The following CYRIB variants were observed in gnomAD, a reference collection of about 807,000 sequenced individuals.
The protein encoded by CYRIB is CYFIP-related Rac1 interactor B.
Under a neutral mutation model 44.2 loss-of-function variants are expected in CYRIB, and 8 were observed. The observed-to-expected ratio is 0.18, with a 90% CI of 0.11 to 0.33. The LOEUF (loss-of-function observed/expected upper bound fraction) is 0.33, where lower values mean the gene tolerates loss of function less well. Among genes scored for constraint, CYRIB ranks in the 10% least tolerant of loss-of-function variants. CYRIB has a pLI of 1.00. For missense variants in CYRIB, 185 were observed against 382.8 expected, an observed-to-expected ratio of 0.48 and a Z score of 4.31; for synonymous variants, 131 against 127.2, an observed-to-expected ratio of 1.03 and a Z score of -0.20.
At position 129,851,098 on chromosome 8, in the gene CYRIB, A is replaced by G. The variant is rs2043018512; in HGVS notation, c.634-184T>C. 3 of 567,378 alleles carry G rather than the reference A, an allele frequency of 5.3e-6. No homozygotes were observed. In the Admixed American group the frequency reaches 9.7e-5, roughly 18 times the overall value. 35.1% of individuals were successfully genotyped at this position (567,378 alleles called of 1,614,324 possible). A position where few individuals can be genotyped will look rare whatever the true frequency, so the allele number is the denominator to read the frequency against. ...AAGCACTGGGGATACAGCTATGAGC[A>G]AGACAGCGAAGGCAGGACTCTTCTG... On this transcript the variant is annotated intron_variant, in intron 8 of 11. Coordinates refer to ENST00000519824, the Ensembl canonical transcript of CYRIB.
chr8:129,952,346 C>A (rs2094547082), intron 2 of CYRIB, among the ~76,000 whole-genome samples: 1 of 152,128 alleles, frequency 6.6e-6, no homozygotes. Context: ...CAGGCATGAG[C>A]CACCACACCC....
intron 2 of CYRIB, among the ~76,000 whole-genome samples, chr8:129,964,464 A>C (rs569765147): frequency 6.6e-6 from 1 of 152,362 alleles, no homozygotes; most frequent in African/African-American, 2.4e-5. Flanking sequence ...CAGATAACTC[A>C]GATTTCTATG....
chr8:129,920,001 T>C (rs1267848187), intron 1 of CYRIB, among the ~76,000 whole-genome samples: 1 of 152,054 alleles, frequency 6.6e-6, no homozygotes, highest in African/African-American at 2.4e-5. Flanking sequence ...CTGTTTGCCC[T>C]TCTGTTATTT....
intron 5 of CYRIB, among the ~76,000 whole-genome samples, chr8:129,858,651 G>A (rs1297534726): frequency 1.3e-5 from 2 of 152,134 alleles, no homozygotes; most frequent in South Asian, 2.1e-4. Context: ...TTAACGGTGG[G>A]CATTTGGGGC....
At chr8:129,908,984 G>A (rs1173895065) in intron 1 of CYRIB, among the ~76,000 whole-genome samples, 1 of 151,970 alleles carries the variant, frequency 6.6e-6, no homozygotes, top group East Asian at 1.9e-4. Flanking sequence ...TAGAGATGGA[G>A]TCTTGCTATG....
In CYRIB at chr8:129,974,466, A is replaced by G. The variant is rs147661970; in HGVS notation, c.-295-3471T>C. Reference sequence around the variant, plus strand: ...CTCCTGGGATGCTCTAGGCAGCACTAAAAGTTCCCACTGAAGCAAATCTAT... The same window carrying G: ...CTCCTGGGATGCTCTAGGCAGCACTGAAAGTTCCCACTGAAGCAAATCTAT... On this transcript the variant is annotated intron_variant, in intron 1 of 14. Transcript: ENST00000401979. Among the ~76,000 whole-genome samples the G allele has an allele frequency of 2.9e-3, 444 of 152,270 alleles. 4 individuals carry two copies. Among genetic ancestry groups the G allele is most frequent in the African/African-American group, 0.01 (429 of 41,548 alleles).
intron 1 of CYRIB, among the ~76,000 whole-genome samples, chr8:129,987,697 G>A (rs780556514): frequency 1.3e-5 from 2 of 151,488 alleles, no homozygotes; most frequent in Non-Finnish European, 2.9e-5. Flanking sequence ...AGCCTCCTAA[G>A]TAGCTGGGAT....
intron 1 of CYRIB, among the ~76,000 whole-genome samples, chr8:129,920,818 G>A (rs531905831): frequency 2.0e-4 from 30 of 152,058 alleles, no homozygotes; most frequent in African/African-American, 6.5e-4. Flanking sequence ...GAGCACTTAC[G>A]TATTCTAGAT....
Position 129,961,625 on chromosome 8 carries a change from T to C in CYRIB, c.-243+9318A>G, listed in dbSNP as rs534106042. ...CTGTAAGCTCCAAGAGGGCAGGGGCTTGAATCATTCACTAGTCCATCTCTG... is the reference window on the plus strand; with the variant it reads ...CTGTAAGCTCCAAGAGGGCAGGGGCCTGAATCATTCACTAGTCCATCTCTG... On this transcript the variant is annotated intron_variant, in intron 2 of 14. Coordinates refer to the CYRIB transcript ENST00000401979. Among the ~76,000 whole-genome samples, 5 of 152,334 alleles carry C rather than the reference T, an allele frequency of 3.3e-5. No homozygotes were observed. The East Asian group carries it at 9.6e-4, about 29-fold the overall frequency.
chr8:129,972,672 C>T (rs2095752786), intron 1 of CYRIB, among the ~76,000 whole-genome samples: 1 of 152,012 alleles, frequency 6.6e-6, no homozygotes, highest in South Asian at 2.1e-4. Flanking sequence ...CACATTCATT[C>T]CATGTACACA....
rs2096905943 is a variant in CYRIB, at chr8:130,001,500, T to C, written c.-296+14870A>G. 2.0e-5 allele frequency among the ~76,000 whole-genome samples: 3 copies of C among 151,672 alleles called. No individual in the cohort carries two copies. In the South Asian group the frequency reaches 6.3e-4, roughly 32 times the overall value. ...ACTGTTCGTCAGTGGCTCTCATTCA[T>C]CTTACCTTTCCCTGAAAATAATTTC... On this transcript the variant is annotated intron_variant, in intron 1 of 14. Transcript: ENST00000401979.
At chr8:129,873,297 G>C (rs557727371) in intron 3 of CYRIB, among the ~76,000 whole-genome samples, 1 of 151,888 alleles carries the variant, frequency 6.6e-6, no homozygotes, top group African/African-American at 2.4e-5. Context: ...TTATCACTAG[G>C]AACAAATACT....
chr8:129,887,243 G>C (rs10107936), intron 2 of CYRIB, among the ~76,000 whole-genome samples: 30,515 of 151,966 alleles, frequency 0.2, 3,168 homozygotes, highest in Non-Finnish European at 0.23. Flanking sequence ...GGCTAAAACA[G>C]TCCTAGATTA....
At chr8:129,987,133 G>A (rs1404099259) in intron 1 of CYRIB, among the ~76,000 whole-genome samples, 1 of 152,170 alleles carries the variant, frequency 6.6e-6, no homozygotes, top group Non-Finnish European at 1.5e-5. Context: ...ATGGCCTCTT[G>A]CCATCTTGAA....
intron 1 of CYRIB, chr8:130,004,698 G>GTC (rs1289313319): frequency 6.6e-6 from 1 of 151,026 alleles, no homozygotes; most frequent in African/African-American, 2.4e-5. Context: ...CCTGTACAGC[G>GTC]TCACACACAC....
intron 10 of CYRIB, among the ~76,000 whole-genome samples, chr8:129,848,097 C>T (rs1161678761): frequency 6.6e-6 from 1 of 152,164 alleles, no homozygotes; most frequent in Non-Finnish European, 1.5e-5. Context: ...TAAACCACTG[C>T]ACCCGGCCTA....
intron 2 of CYRIB, among the ~76,000 whole-genome samples, chr8:129,883,438 A>G (rs2061546454): frequency 6.6e-6 from 1 of 152,168 alleles, no homozygotes; most frequent in Admixed American, 6.5e-5. Flanking sequence ...CAGATGCTAC[A>G]TAGGCAGCTC....
intron 1 of CYRIB, among the ~76,000 whole-genome samples, chr8:130,002,709 G>A (rs1311241449): frequency 2.0e-5 from 3 of 152,190 alleles, no homozygotes; most frequent in Non-Finnish European, 4.4e-5. Context: ...TTGAGGGGCC[G>A]TGTAATATTC....
chr8:129,902,097 T>G (rs951359519), intron 2 of CYRIB, among the ~76,000 whole-genome samples: 2 of 152,214 alleles, frequency 1.3e-5, no homozygotes, highest in Non-Finnish European at 2.9e-5. Flanking sequence ...AAAATACTCG[T>G]TAAGAACCTC....
Sources: allele counts gnomAD v4.1 joint callset (sites outside exome capture counted in the v4.1 genomes callset), GRCh38; gene constraint gnomAD v4.1.1; transcripts MANE v1.5; gene names NCBI Gene and HGNC (gene_info 2026-07-23, HGNC 2026-07-21).